The following HPSE2 variants were observed in gnomAD, a reference collection of about 807,000 sequenced individuals.
HPSE2 encodes the protein inactive heparanase-2.
A neutral mutation model predicts 60.5 loss-of-function variants in HPSE2; 38 were observed. That is an observed-to-expected ratio of 0.63 (90% CI 0.48 to 0.82). The LOEUF (loss-of-function observed/expected upper bound fraction) is 0.82, where lower values mean the gene tolerates loss of function less well. Ranked by LOEUF, HPSE2 falls within the 40% of genes least tolerant of loss-of-function variation. The pLI is 0.00. For missense variants in HPSE2, 713 were observed against 740.4 expected (o/e 0.96, Z 0.43); for synonymous variants, 295 against 293.2 (o/e 1.01, Z -0.06).
chr10:99,112,415 G>GTGTTTTGTTGTGTTTTGTTT (rs1844501359), intron 3 of HPSE2, among the ~76,000 whole-genome samples: 3 of 136,012 alleles, frequency 2.2e-5, no homozygotes, highest in East Asian at 4.5e-4. Context: ...TTTTTTTGTT[G>GTGTTTTGTTGTGTTTTGTTT]TGTTTTGTTT....
intron 3 of HPSE2, among the ~76,000 whole-genome samples, chr10:99,026,305 C>T (rs1055542141): frequency 6.6e-6 from 1 of 151,824 alleles, no homozygotes. Context: ...CAGTGGAAAC[C>T]AATAAAAAGC....
chr10:99,045,383 G>A (rs1198574874), intron 3 of HPSE2, among the ~76,000 whole-genome samples: 2 of 152,040 alleles, frequency 1.3e-5, no homozygotes, highest in African/African-American at 4.8e-5. Context: ...CCTTTGAGAA[G>A]TTAGAAAGAT....
chr10:98,697,581 A>G (rs1396426210), intron 5 of HPSE2, among the ~76,000 whole-genome samples: 2 of 152,216 alleles, frequency 1.3e-5, no homozygotes, highest in Non-Finnish European at 2.9e-5. Flanking sequence ...TGGAAAACAC[A>G]CTTCAGGATA....
At chr10:99,294,508 C>T in the HPSE2 span, among the ~76,000 whole-genome samples, 2 of 146,376 alleles carry the variant, frequency 1.4e-5, no homozygotes, top group African/African-American at 2.5e-5. Flanking sequence ...ATATATGTTG[C>T]TGCGCTATAT....
intron 6 of HPSE2, among the ~76,000 whole-genome samples, chr10:98,692,301 G>T (rs1948095627): frequency 6.6e-6 from 1 of 152,076 alleles, no homozygotes; most frequent in Non-Finnish European, 1.5e-5. Context: ...CTAGTTAGCT[G>T]GGACAGAATA....
At chr10:99,156,974 C>T (rs983311160) in intron 2 of HPSE2, among the ~76,000 whole-genome samples, 3 of 135,386 alleles carry the variant, frequency 2.2e-5, no homozygotes, top group African/African-American at 7.6e-5. Context: ...AACAGAGAGG[C>T]AAATCATGAG....
chr10:99,063,744 T>C (rs1164447363), intron 3 of HPSE2, among the ~76,000 whole-genome samples: 2 of 152,214 alleles, frequency 1.3e-5, no homozygotes, highest in Non-Finnish European at 2.9e-5. Context: ...TATGTTTATA[T>C]AAATGTGCTT....
intron 9 of HPSE2, among the ~76,000 whole-genome samples, chr10:98,569,782 T>A (rs1247519756): frequency 6.6e-6 from 1 of 152,016 alleles, no homozygotes; most frequent in Non-Finnish European, 1.5e-5. Flanking sequence ...ACTCCTAGGA[T>A]CTCCTCTACC....
intron 2 of HPSE2, among the ~76,000 whole-genome samples, chr10:99,158,545 T>C (rs1441126320): frequency 2.1e-5 from 3 of 140,022 alleles, no homozygotes; most frequent in Non-Finnish European, 3.0e-5. Flanking sequence ...TAGGTGGGAA[T>C]TGAACAATGA....
chr10:98,630,317 C>A (rs370596282), intron 7 of HPSE2, among the ~76,000 whole-genome samples: 6 of 151,932 alleles, frequency 3.9e-5, no homozygotes, highest in East Asian at 3.9e-4. Flanking sequence ...TCTGCCTCAG[C>A]CTCCCCAGTA....
chr10:98,748,491 G>C (rs1949679400), intron 3 of HPSE2, among the ~76,000 whole-genome samples: 1 of 152,132 alleles, frequency 6.6e-6, no homozygotes, highest in Non-Finnish European at 1.5e-5. Context: ...ACCAGAGGGG[G>C]CCAATGCCTC....
chr10:98,542,419 G>A (rs1207143708), intron 9 of HPSE2, among the ~76,000 whole-genome samples: 59 of 150,480 alleles, frequency 3.9e-4, no homozygotes, highest in African/African-American at 1.1e-3. Flanking sequence ...AAAGCAGAGC[G>A]CCTCTCCTCC....
intron 2 of HPSE2, among the ~76,000 whole-genome samples, chr10:99,219,277 A>G (rs917942022): frequency 7.2e-5 from 11 of 152,298 alleles, no homozygotes; most frequent in African/African-American, 2.6e-4. Context: ...TTCTAACCAC[A>G]CCTTGGGTTT....
chr10:98,889,638 T>C (rs1033872211), intron 3 of HPSE2, among the ~76,000 whole-genome samples: 3 of 152,188 alleles, frequency 2.0e-5, no homozygotes, highest in Non-Finnish European at 4.4e-5. Flanking sequence ...ACAAAGTGTA[T>C]TGCAAAAGTC....
At chr10:98,559,417 C>T (rs944907860) in intron 9 of HPSE2, among the ~76,000 whole-genome samples, 1 of 152,084 alleles carries the variant, frequency 6.6e-6, no homozygotes, top group Non-Finnish European at 1.5e-5. Flanking sequence ...CCTCTATTCT[C>T]CCCCTGCCCC....
intron 5 of HPSE2, among the ~76,000 whole-genome samples, chr10:98,715,678 C>A (rs1452115120): frequency 6.6e-6 from 1 of 151,988 alleles, no homozygotes; most frequent in African/African-American, 2.4e-5. Context: ...ATTAAGTATG[C>A]AACAGCATTA....
chr10:99,250,142 CAA>C, the HPSE2 span, among the ~76,000 whole-genome samples: 1 of 137,370 alleles, frequency 7.3e-6, no homozygotes, highest in Non-Finnish European at 1.5e-5. Context: ...AACTCCATCT[CAA>C]AAAAAAAAAA....
intron 3 of HPSE2, among the ~76,000 whole-genome samples, chr10:98,830,163 C>A (rs932036518): frequency 6.6e-6 from 1 of 152,180 alleles, no homozygotes; most frequent in South Asian, 2.1e-4. Flanking sequence ...AATACTATTG[C>A]CTACTATGTT....
At chr10:99,114,166 C>T (rs1001776264) in intron 3 of HPSE2, among the ~76,000 whole-genome samples, 4 of 152,224 alleles carry the variant, frequency 2.6e-5, no homozygotes, top group African/African-American at 9.6e-5. Context: ...AACTTCCCCA[C>T]CCAGGGGATT....
Sources: allele counts gnomAD v4.1 joint callset (sites outside exome capture counted in the v4.1 genomes callset), GRCh38; gene constraint gnomAD v4.1.1; transcripts MANE v1.5; gene names NCBI Gene and HGNC (gene_info 2026-07-23, HGNC 2026-07-21).